Variants in LAP3 observed in about 807,000 individuals in gnomAD.
LAP3 encodes the protein cytosol aminopeptidase.
A neutral mutation model predicts 58.8 loss-of-function variants in LAP3; 46 were observed. The ratio of observed to expected loss-of-function variants is 0.78; its 90% CI spans 0.62 to 1.00. The LOEUF is 1.00. Among genes scored for constraint, LAP3 ranks in the 50% least tolerant of loss-of-function variants. The pLI is 0.00. For missense variants in LAP3, 615 were observed against 659.1 expected (o/e 0.93, Z 0.73); for synonymous variants, 257 against 237.7 (o/e 1.08, Z -0.75).
At chr4:17,595,333 C>T in intron 7 of LAP3, 77 bp from the exon 8 acceptor site, 1 of 1,551,388 alleles carries the variant, frequency 6.4e-7, no homozygotes, top group Non-Finnish European at 8.8e-7. Context: ...CCACCGTGCC[C>T]ATCTGTACTT....
intron 7 of LAP3, among the ~76,000 whole-genome samples, chr4:17,589,493 C>A (rs1032502413): frequency 6.6e-6 from 1 of 152,156 alleles, no homozygotes; most frequent in Non-Finnish European, 1.5e-5. Context: ...TTAGCCCTAA[C>A]CATACCCCTG....
intron 10 of LAP3, among the ~76,000 whole-genome samples, chr4:17,602,643 T>C (rs1484518111): frequency 6.6e-6 from 1 of 152,186 alleles, no homozygotes; most frequent in Admixed American, 6.5e-5. Flanking sequence ...GGACTATTTT[T>C]ACATCATTAA....
chr4:17,585,168 G>A, intron 6 of LAP3, 32 bp downstream of exon 6: 1 of 1,575,572 alleles, frequency 6.3e-7, no homozygotes, highest in Middle Eastern at 1.7e-4. Context: ...GACTCGAGAT[G>A]TTACAGCCAG....
Position 17,588,958 on chromosome 4 carries a change from A to G in LAP3, c.844A>G (p.Lys282Glu). The change falls in exon 7 of 13, where the codon AAA becomes GAA. Residue 282 changes from lysine (K) to glutamate (E), a missense_variant. Coordinates refer to ENST00000226299, the MANE Select transcript of LAP3 (RefSeq NM_015907.3). ...CGAACCACCCCTGGTGTTTGTTGGG[A>G]AAGGAATTACCTTTGACAGGTATTT... ...ANEPPLVFVGKGITFDSGGIS... is the reference protein window; with the variant it reads ...ANEPPLVFVGEGITFDSGGIS... 1.9e-6 allele frequency: 3 copies of G among 1,614,092 alleles called. No homozygotes were observed. The highest frequency in any genetic ancestry group is 2.5e-6 in the Non-Finnish European group (3 of 1,179,994).
At position 17,577,323 on chromosome 4, in the gene LAP3, C is replaced by G. The variant is rs935551238; in HGVS notation, c.-143C>G. ...CCGGTGCTGCCCATCCGTCCCGCCCCCTAGACGCACGTCCGCTCGCCCGGC... is the reference window on the plus strand; with the variant it reads ...CCGGTGCTGCCCATCCGTCCCGCCCGCTAGACGCACGTCCGCTCGCCCGGC... On this transcript the variant is annotated 5_prime_UTR_variant, in exon 1 of 13. Coordinates refer to ENST00000226299, the MANE Select transcript of LAP3 (RefSeq NM_015907.3). 2.5e-6 allele frequency: 1 copy of G among 402,062 alleles called. No individual in the cohort carries two copies. The highest frequency in any genetic ancestry group is 2.8e-5 in the South Asian group (1 of 35,124). The allele number at this position is 402,062 out of a possible 1,614,324, so 24.9% of individuals were successfully genotyped here.
Position 17,607,580 on chromosome 4 carries a change from C to T in LAP3, c.1551C>T (p.Asp517=). The change falls in exon 13 of 13, where the codon GAC becomes GAT. Residue 517 remains aspartate (D), a synonymous_variant. Coordinates refer to ENST00000226299, the MANE Select transcript of LAP3 (RefSeq NM_015907.3). The part of the protein sequence containing the change: ...LIEFLLRFSQ[D]NA ...AGTTCTTACTTCGTTTCAGTCAAGA[C>T]AATGCTTAGTTCAGATACTCAAAAA... is the stretch of plus-strand genomic sequence containing the variant. 2 of 1,611,552 alleles carry T rather than the reference C, an allele frequency of 1.2e-6. No homozygotes were observed. The highest frequency in any genetic ancestry group is 1.3e-5 in the African/African-American group (1 of 74,974).
In LAP3 at chr4:17,585,080, T is replaced by C. The variant is rs3733576; in HGVS notation, c.648T>C (p.Ala216=). 1,066,650 of 1,613,160 alleles carry C rather than the reference T, an allele frequency of 0.66. 358,064 individuals are homozygous for C. Among genetic ancestry groups the C allele is most frequent in the East Asian group, 0.96 (42,863 of 44,866 alleles). The part of the protein sequence containing the change: ...PANEMTPTRF[A]EIIEKNLKSA... ...ATGAGATGACGCCAACCAGATTTGC[T>C]GAAATTATTGAGAAGAATCTCAAAA... The change falls in exon 6 of 13, where the codon GCT becomes GCC. Residue 216 remains alanine (A), a synonymous_variant. Transcript: ENST00000226299.
chr4:17,591,490 G>T (rs10005380), intron 7 of LAP3, among the ~76,000 whole-genome samples: 7,872 of 152,172 alleles, frequency 0.052, 652 homozygotes, highest in African/African-American at 0.18. Flanking sequence ...TATGCTAAGG[G>T]TGAAGTTTAT....
At chr4:17,588,148 C>T (rs1307165857) in intron 6 of LAP3, among the ~76,000 whole-genome samples, 1 of 151,972 alleles carries the variant, frequency 6.6e-6, no homozygotes, top group Non-Finnish European at 1.5e-5. Context: ...TTGTCTTAGC[C>T]TCTGCAGTAG....
intron 11 of LAP3, among the ~76,000 whole-genome samples, 178 bp from the exon 12 acceptor site, chr4:17,606,651 T>C (rs1336012926): frequency 6.6e-6 from 1 of 152,122 alleles, no homozygotes; most frequent in Non-Finnish European, 1.5e-5. Flanking sequence ...TGGTTTCTTT[T>C]ATAGTTCTAA....
At chr4:17,590,819 C>T (rs1401802048) in intron 7 of LAP3, among the ~76,000 whole-genome samples, 4 of 152,114 alleles carry the variant, frequency 2.6e-5, no homozygotes, top group African/African-American at 9.7e-5. Flanking sequence ...ATCTGCCCGC[C>T]TCGGTCTCCT....
chr4:17,588,865 G>T lies in LAP3; in HGVS notation c.751G>T (p.Val251Leu), dbSNP rs758828672. ...ACAGGCAATGGGATCATTCCTCAGT[G>T]TGGCCAAAGGATCTGACGAGCCCCC... Reference protein sequence around the residue: ...EEQAMGSFLSVAKGSDEPPVF... With the variant: ...EEQAMGSFLSLAKGSDEPPVF... Residue 251 changes from valine (V) to leucine (L), a missense_variant, in exon 7 of 13, where the codon GTG becomes TTG. Transcript: ENST00000226299. 1.9e-6 allele frequency: 3 copies of T among 1,614,114 alleles called. No homozygotes were observed. The South Asian group carries it at 3.3e-5, about 18-fold the overall frequency.
rs746429441 is a variant in LAP3, at chr4:17,583,622, G to A, written c.519G>A (p.Val173=). The A allele has an allele frequency of 1.6e-5, 26 of 1,614,004 alleles. No individual in the cohort carries two copies. In the South Asian group the frequency reaches 1.9e-4, roughly 12 times the overall value. The change falls in exon 5 of 13, where the codon GTG becomes GTA. Residue 173 remains valine (V), a synonymous_variant. Transcript: ENST00000226299. The stretch of plus-strand genomic sequence containing the variant: ...TAAAGCAAAAAAAGAAGATGGCTGT[G>A]TCGGCAAAGCTCTATGGAAGGTGAT... ...DDLKQKKKMA[V]SAKLYGSGDQ... is the part of the protein sequence containing the mutation.
chr4:17,604,261 G>T (rs2109024538), intron 10 of LAP3, among the ~76,000 whole-genome samples: 1 of 116,318 alleles, frequency 8.6e-6, no homozygotes, highest in Admixed American at 1.1e-4. Flanking sequence ...GGGTGAGTGA[G>T]ACCTTTCTCA....
Position 17,588,866 on chromosome 4 carries a change from T to A in LAP3, c.752T>A (p.Val251Glu). 1 of 1,614,166 alleles carries A rather than the reference T, an allele frequency of 6.2e-7. No individual in the cohort carries two copies. Among genetic ancestry groups the A allele is most frequent in the Non-Finnish European group, 8.5e-7 (1 of 1,180,024 alleles). ...EEQAMGSFLS[V>E]AKGSDEPPVF... ...CAGGCAATGGGATCATTCCTCAGTG[T>A]GGCCAAAGGATCTGACGAGCCCCCA... The change falls in exon 7 of 13, where the codon GTG becomes GAG. Residue 251 changes from valine (V) to glutamate (E), a missense_variant. Physicochemically the swap from Val to Glu is moderately radical, Grantham distance 121. Transcript: ENST00000226299.
chr4:17,579,385 G>A (rs1268131204), intron 1 of LAP3, among the ~76,000 whole-genome samples: 1 of 152,200 alleles, frequency 6.6e-6, no homozygotes, highest in Non-Finnish European at 1.5e-5. Context: ...GAGAAAGGGA[G>A]GTCAGAGAGT....
At position 17,598,922 on chromosome 4, in the gene LAP3, A is replaced by G. The variant is rs912940563; in HGVS notation, c.1180+364A>G. Among the ~76,000 whole-genome samples the G allele has an allele frequency of 2.6e-5, 4 of 151,974 alleles. No homozygotes were observed. The East Asian group carries it at 7.8e-4, about 29-fold the overall frequency. The stretch of plus-strand genomic sequence containing the variant: ...TGGCGAATTTTTGTATTTTTAGTAG[A>G]GACGGGGTTTTTGCCATGTTAGCCA... On this transcript the variant is annotated intron_variant, in intron 10 of 12. Coordinates refer to ENST00000226299, the MANE Select transcript of LAP3 (RefSeq NM_015907.3).
At chr4:17,604,498 AG>A (rs995780968) in intron 10 of LAP3, 89 bp from the exon 11 acceptor site, 4 of 797,534 alleles carry the variant, frequency 5.0e-6, no homozygotes, top group Non-Finnish European at 8.8e-6. Flanking sequence ...GCCATTAAAT[AG>A]GGTACATGCT....
intron 6 of LAP3, 191 bp downstream of exon 6, chr4:17,585,327 G>A (rs1713480804): frequency 5.7e-6 from 3 of 529,286 alleles, no homozygotes; most frequent in Non-Finnish European, 1.0e-5. Context: ...TTGCCTTTGA[G>A]AGAGAGAGTG....
Sources: gnomAD v4.1 joint callset for allele counts (sites outside exome capture counted in the v4.1 genomes callset) on GRCh38, gnomAD v4.1.1 for gene constraint, MANE v1.5 for transcripts, NCBI Gene and HGNC (gene_info 2026-07-23, HGNC 2026-07-21) for gene names.